PLCB4: variants seen among roughly 807,000 people sequenced by gnomAD.
The protein encoded by PLCB4 is 1-phosphatidylinositol 4,5-bisphosphate phosphodiesterase beta-4.
In PLCB4, 77 loss-of-function variants were observed where a neutral mutation model predicts 178.8. That is an observed-to-expected ratio of 0.43 (90% confidence interval 0.36 to 0.52). The LOEUF is 0.52. Ranked by LOEUF, PLCB4 falls within the 20% of genes least tolerant of loss-of-function variation. The pLI, the probability that PLCB4 is intolerant of heterozygous loss-of-function variation, is 0.00. For synonymous variants in PLCB4, 496 were observed against 490.8 expected (o/e 1.01, Z -0.14); for missense variants, 1,024 against 1,453.4 (o/e 0.70, Z 4.80).
intron 34 of PLCB4, among the ~76,000 whole-genome samples, chr20:9,457,920 A>G (rs1177670672): frequency 1.3e-5 from 2 of 152,178 alleles, no homozygotes; most frequent in African/African-American, 4.8e-5. Flanking sequence ...GAAAAAATTA[A>G]GAGCTGATAT....
intron 4 of PLCB4, among the ~76,000 whole-genome samples, chr20:9,322,278 G>C (rs1601833202): frequency 2.0e-5 from 3 of 151,782 alleles, no homozygotes; most frequent in African/African-American, 7.3e-5. Context: ...TAATTTTTGA[G>C]GGGGGAGAAA....
chr20:9,394,395 T>A (rs1371735870), intron 18 of PLCB4, among the ~76,000 whole-genome samples: 2 of 152,196 alleles, frequency 1.3e-5, no homozygotes, highest in South Asian at 2.1e-4. Context: ...ATTCATATAC[T>A]ATAGACACAT....
At chr20:9,332,467 G>T (rs2031821175) in intron 4 of PLCB4, among the ~76,000 whole-genome samples, 2 of 152,160 alleles carry the variant, frequency 1.3e-5, no homozygotes, top group Admixed American at 1.3e-4. Context: ...TCATCCCTCA[G>T]ATTTGCTCTG....
rs760779011 is a variant in PLCB4 at position 9,393,654 on chromosome 20, C to T, written c.1390C>T (p.Arg464Trp). 1 of 1,611,360 alleles carries T rather than the reference C, an allele frequency of 6.2e-7. No individual in the cohort carries two copies. The highest frequency in any genetic ancestry group is 2.2e-5 in the East Asian group (1 of 44,862). The change falls in exon 18 of 40, where the codon CGG becomes TGG. Residue 464 changes from arginine to tryptophan, a missense_variant. Transcript: ENST00000378473. ...AAGAAAAATACTCATAAAAAACAAG[C>T]GGCTGAAACCTGAAGTTGAAAAAAG... is the stretch of plus-strand genomic sequence containing the variant. ...LKRKILIKNK[R>W]LKPEVEKKQL...
chr20:9,393,729 CAT>C, intron 18 of PLCB4, 51 bp downstream of exon 18: 2 of 1,157,572 alleles, frequency 1.7e-6, no homozygotes, highest in Non-Finnish European at 2.6e-6. Flanking sequence ...CATGTGTGGA[CAT>C]TTCAGCTGTT....
At chr20:9,255,581 C>G (rs2094225875) in intron 3 of PLCB4, among the ~76,000 whole-genome samples, 2 of 151,020 alleles carry the variant, frequency 1.3e-5, no homozygotes, top group African/African-American at 4.9e-5. Context: ...ATGCCCAAAC[C>G]AACAGATGGT....
In PLCB4 at chr20:9,368,992, A is replaced by G. The variant is rs562578792; in HGVS notation, c.504-2222A>G. Reference sequence around the variant, plus strand: ...ATCACATTCCCTTTGTAAATGCTCTATGTTCCCATGAAACACAGCCACGAT... The same window carrying G: ...ATCACATTCCCTTTGTAAATGCTCTGTGTTCCCATGAAACACAGCCACGAT... On this transcript the variant is annotated intron_variant, in intron 9 of 39. Coordinates refer to ENST00000378473, the MANE Select transcript of PLCB4 (RefSeq NM_001377142.1). Among the ~76,000 whole-genome samples, 38 of 152,268 alleles carry G rather than the reference A, an allele frequency of 2.5e-4. 1 individual carries two copies. In the South Asian group the frequency reaches 7.9e-3, roughly 32 times the overall value.
chr20:9,372,697 A>G (rs1171612404), intron 11 of PLCB4, among the ~76,000 whole-genome samples: 2 of 152,082 alleles, frequency 1.3e-5, no homozygotes, highest in East Asian at 3.9e-4. Context: ...AACTAACTAG[A>G]TTCAATTTGG....
At chr20:9,204,979 C>A (rs2147209082) in intron 2 of PLCB4, among the ~76,000 whole-genome samples, 1 of 151,744 alleles carries the variant, frequency 6.6e-6, no homozygotes, top group African/African-American at 2.4e-5. Flanking sequence ...TTTTAAAATT[C>A]TATGTATACT....
chr20:9,408,676 C>T lies in PLCB4; in HGVS notation c.1833C>T (p.Val611=), dbSNP rs778436381. ...HYNMSSFNES[V]GLGYLKTHAI... ...ACATGTCTTCTTTTAATGAATCAGT[C>T]GGTCTTGGCTACTTGAAGACACATG... Residue 611 remains valine, a synonymous_variant, in exon 23 of 40, where the codon GTC becomes GTT. Transcript: ENST00000378473. The T allele has an allele frequency of 1.9e-5, 31 of 1,591,124 alleles. No homozygotes were observed. Among genetic ancestry groups the T allele is most frequent in the East Asian group, 6.7e-5 (3 of 44,778 alleles).
chr20:9,121,047 A>G (rs756968620), intron 2 of PLCB4, among the ~76,000 whole-genome samples: 4 of 152,060 alleles, frequency 2.6e-5, no homozygotes, highest in Non-Finnish European at 4.4e-5. Flanking sequence ...CGTCTTGACC[A>G]TCTCCTGGCT....
At chr20:9,342,364 C>A (rs2033310428) in intron 7 of PLCB4, among the ~76,000 whole-genome samples, 1 of 152,152 alleles carries the variant, frequency 6.6e-6, no homozygotes, top group Non-Finnish European at 1.5e-5. Flanking sequence ...TTGTGACTCA[C>A]TGAGTGGTTC....
At chr20:9,476,668 G>C (rs780506246) in intron 38 of PLCB4, 49 bp from the exon 39 acceptor site, 9 of 1,300,438 alleles carry the variant, frequency 6.9e-6, no homozygotes, top group African/African-American at 1.5e-5. Flanking sequence ...TATTTTCTTC[G>C]TTTTGTATGT....
chr20:9,226,603 C>A (rs1207650013), intron 3 of PLCB4, among the ~76,000 whole-genome samples: 1 of 152,256 alleles, frequency 6.6e-6, no homozygotes, highest in Admixed American at 6.5e-5. Flanking sequence ...TAGGACTTTT[C>A]TTATTGCAGA....
chr20:9,470,424 C>A (rs1031620859), intron 36 of PLCB4, among the ~76,000 whole-genome samples: 1 of 152,020 alleles, frequency 6.6e-6, no homozygotes, highest in Admixed American at 6.6e-5. Flanking sequence ...GAAATGACAC[C>A]TTCTTCAGTT....
At chr20:9,267,837 G>A (rs2094364202) in intron 3 of PLCB4, among the ~76,000 whole-genome samples, 2 of 152,154 alleles carry the variant, frequency 1.3e-5, no homozygotes, top group South Asian at 4.1e-4. Flanking sequence ...GATTAATGGA[G>A]TAATGGGTTA....
chr20:9,212,239 A>T (rs913685506), intron 2 of PLCB4, among the ~76,000 whole-genome samples: 14 of 152,238 alleles, frequency 9.2e-5, no homozygotes, highest in African/African-American at 3.4e-4. Context: ...TCTTTGTTGT[A>T]CTGCACAATC....
At chr20:9,373,925 A>G (rs565992784) in intron 12 of PLCB4, among the ~76,000 whole-genome samples, 12 of 152,286 alleles carry the variant, frequency 7.9e-5, no homozygotes, top group African/African-American at 2.9e-4. Flanking sequence ...TTTCTAACAC[A>G]TTAATAAGAG....
At chr20:9,226,194 C>T (rs945090278) in intron 3 of PLCB4, among the ~76,000 whole-genome samples, 2 of 152,102 alleles carry the variant, frequency 1.3e-5, no homozygotes, top group Non-Finnish European at 2.9e-5. Context: ...TTTATAGTGA[C>T]CATTCAGGTA....
Sources: gnomAD v4.1 joint callset for allele counts (sites outside exome capture counted in the v4.1 genomes callset) on GRCh38, gnomAD v4.1.1 for gene constraint, MANE v1.5 for transcripts, NCBI Gene and HGNC (gene_info 2026-07-23, HGNC 2026-07-21) for gene names.